Variants in RNF135 observed in about 807,000 individuals in gnomAD.
RNF135 encodes the protein E3 ubiquitin-protein ligase RNF135.
Under a neutral mutation model 41.9 loss-of-function variants are expected in RNF135, and 46 were observed. That is an observed-to-expected ratio of 1.10 (90% confidence interval 0.87 to 1.40). RNF135 has a LOEUF of 1.40. Ranked by LOEUF, RNF135 falls within the 40% of genes most tolerant of loss-of-function variation. The probability of loss-of-function intolerance (pLI) is 0.00; values close to 1 mark genes in which losing one functional copy is unlikely to be tolerated. For missense variants in RNF135, 539 were observed against 549.8 expected, an observed-to-expected ratio of 0.98 and a Z score of 0.20; for synonymous variants, 238 against 223.8, an observed-to-expected ratio of 1.06 and a Z score of -0.57.
chr17:30,987,913 AT>A, intron 2 of RNF135, 30 bp from the exon 3 acceptor site: 1 of 1,600,064 alleles, frequency 6.2e-7, no homozygotes, highest in Non-Finnish European at 8.6e-7. Context: ...GGGGACTTCC[AT>A]TTATTCAGTT....
chr17:30,958,974 C>T, the RNF135 span: 3 of 152,142 alleles, frequency 2.0e-5, no homozygotes, highest in Non-Finnish European at 4.4e-5. Flanking sequence ...CTGTGTCCTT[C>T]CTGAAGCTTC....
At chr17:30,976,811 A>T (rs1292069983) in intron 1 of RNF135, among the ~76,000 whole-genome samples, 1 of 151,936 alleles carries the variant, frequency 6.6e-6, no homozygotes, top group East Asian at 1.9e-4. Flanking sequence ...CCATCCCTTT[A>T]TTTTCAGTCT....
chr17:30,973,472 GTT>G (rs58753741), intron 1 of RNF135, among the ~76,000 whole-genome samples: 4 of 144,600 alleles, frequency 2.8e-5, no homozygotes, highest in African/African-American at 7.6e-5. Flanking sequence ...TCTTCTAAGA[GTT>G]TTTTTTTTTT....
intron 3 of RNF135, among the ~76,000 whole-genome samples, chr17:30,996,792 GT>G (rs1908378874): frequency 6.6e-6 from 1 of 152,170 alleles, no homozygotes; most frequent in Non-Finnish European, 1.5e-5. Flanking sequence ...GTCAGCAATG[GT>G]GATGAATCTC....
intron 1 of RNF135, chr17:30,979,057 C>A (rs914155217): frequency 7.7e-5 from 13 of 169,178 alleles, no homozygotes; most frequent in Non-Finnish European, 1.5e-4. Context: ...TTTCCCCACC[C>A]TTCCCGCCTT....
intron 2 of RNF135, among the ~76,000 whole-genome samples, chr17:30,986,041 G>A (rs913253198): frequency 2.6e-5 from 4 of 152,116 alleles, no homozygotes; most frequent in Non-Finnish European, 4.4e-5. Flanking sequence ...TGATTTCCTT[G>A]AACAAATCAA....
At chr17:30,970,600 C>A (rs569555112), upstream of RNF135, 1 of 169,626 alleles carries the variant, frequency 5.9e-6, no homozygotes, top group Non-Finnish European at 1.3e-5. Context: ...GATCTTTAAT[C>A]CCCTGCTACT....
At chr17:30,975,303 A>G in intron 1 of RNF135, 18 of 623,846 alleles carry the variant, frequency 2.9e-5, no homozygotes, top group Non-Finnish European at 5.2e-5. Context: ...AGCCTGGGCA[A>G]CAGAGCAACA....
At chr17:30,983,817 AC>A (rs1375969946) in intron 1 of RNF135, among the ~76,000 whole-genome samples, 2 of 150,106 alleles carry the variant, frequency 1.3e-5, no homozygotes, top group Non-Finnish European at 3.0e-5. Context: ...GTGGTATCTC[AC>A]TGTATGTTTT....
the RNF135 span, chr17:30,959,506 A>G: frequency 6.6e-5 from 10 of 152,238 alleles, no homozygotes; most frequent in Non-Finnish European, 1.3e-4. Context: ...AGAGTAGAAG[A>G]TAGTTGGGTT....
intron 1 of RNF135, among the ~76,000 whole-genome samples, chr17:30,979,736 A>G (rs1250535137): frequency 3.4e-5 from 3 of 87,380 alleles, no homozygotes; most frequent in South Asian, 4.5e-4. Context: ...TCCCTCCCGG[A>G]CGGGGCGGCT....
chr17:30,970,908 T>G (rs1355690861), upstream of RNF135: 39 of 976,674 alleles, frequency 4.0e-5, no homozygotes, highest in Non-Finnish European at 5.5e-5. Context: ...GCTCTAAGTC[T>G]GTTTTCAGCA....
chr17:30,961,202 G>A, the RNF135 span, among the ~76,000 whole-genome samples: 2 of 152,110 alleles, frequency 1.3e-5, no homozygotes, highest in African/African-American at 4.8e-5. Flanking sequence ...GCAATAAAAA[G>A]GAACAAATTA....
At chr17:30,983,349 A>ATTTT (rs1907339481) in intron 1 of RNF135, among the ~76,000 whole-genome samples, 1 of 38,702 alleles carries the variant, frequency 2.6e-5, no homozygotes, top group African/African-American at 1.0e-4. Context: ...ATATATATAT[A>ATTTT]TATATTTTTT....
At chr17:30,983,330 TATATATATATATATATATATA>T (rs1907304752) in intron 1 of RNF135, among the ~76,000 whole-genome samples, 6 of 32,704 alleles carry the variant, frequency 1.8e-4, no homozygotes, top group Admixed American at 1.4e-3. Flanking sequence ...CATATATATA[TATATATATATATATATATATA>T]TATTTTTTTT....
intron 1 of RNF135, among the ~76,000 whole-genome samples, chr17:30,976,963 C>A (rs1277321803): frequency 2.0e-5 from 3 of 152,024 alleles, no homozygotes; most frequent in African/African-American, 7.2e-5. Flanking sequence ...TAATTCTTGC[C>A]ATTTTGTTAT....
At chr17:30,969,459 G>A (rs1598069787), upstream of RNF135, 1 of 152,226 alleles carries the variant, frequency 6.6e-6, no homozygotes, top group Non-Finnish European at 1.5e-5. Context: ...TGCGTTGGCA[G>A]GGAGTCTGCT....
intron 1 of RNF135, among the ~76,000 whole-genome samples, chr17:30,974,446 G>C (rs1401524512): frequency 6.6e-6 from 1 of 151,984 alleles, no homozygotes; most frequent in Non-Finnish European, 1.5e-5. Context: ...TACAAAGTAG[G>C]CTGTTGGAAT....
At chr17:30,984,497 C>T in intron 1 of RNF135, 120 bp from the exon 2 acceptor site, 1 of 1,007,244 alleles carries the variant, frequency 9.9e-7, no homozygotes, top group Non-Finnish European at 1.5e-6. Flanking sequence ...CTATTGTATT[C>T]CATCGGTCTG....
Sources: allele counts gnomAD v4.1 joint callset (sites outside exome capture counted in the v4.1 genomes callset), GRCh38; gene constraint gnomAD v4.1.1; transcripts MANE v1.5; gene names NCBI Gene and HGNC (gene_info 2026-07-23, HGNC 2026-07-21).